Variants in RP2 observed in about 807,000 individuals in gnomAD.
RP2 encodes protein XRP2.
In RP2, 3 loss-of-function variants were observed where a neutral mutation model predicts 20.3. The observed-to-expected ratio is 0.15, with a 90% confidence interval of 0.07 to 0.38. RP2 has a LOEUF of 0.38. Ranked by LOEUF, RP2 falls within the 10% of genes least tolerant of loss-of-function variation. The pLI, the probability that RP2 is intolerant of heterozygous loss-of-function variation, is 1.00. For synonymous variants in RP2, 75 were observed against 94.8 expected (o/e 0.79, Z 1.22); for missense variants, 233 against 268.5 (o/e 0.87, Z 0.92).
At chrX:46,848,614 C>A (rs1307363239) in intron 1 of RP2, among the ~76,000 whole-genome samples, 1 of 107,938 alleles carries the variant, frequency 9.3e-6, no homozygotes, top group African/African-American at 3.3e-5. Flanking sequence ...GAACTCCTGA[C>A]CTCAGGTGAT....
Position 46,880,948 on chromosome X carries a change from A to T in RP2, c.*1179A>T, listed in dbSNP as rs1489056965. On this transcript the variant is annotated 3_prime_UTR_variant, in exon 5 of 5. Coordinates refer to ENST00000218340, the MANE Select transcript of RP2 (RefSeq NM_006915.3). ...CAATAGGTTGAACTTGTGAGAAGGC[A>T]CTGAATCTGCCATCCACATCACATA... 1 of 111,820 alleles carries T rather than the reference A, an allele frequency of 8.9e-6. No homozygotes were observed. The highest frequency in any genetic ancestry group is 3.2e-5 in the African/African-American group (1 of 30,806). The allele number at this position is 111,820 out of a possible 1,213,427, so 9.2% of individuals were successfully genotyped here. A position where few individuals can be genotyped will look rare whatever the true frequency, so the allele number is the denominator to read the frequency against.
intron 1 of RP2, among the ~76,000 whole-genome samples, chrX:46,847,759 TACACACATGTGTGTGTGTACATAC>T (rs1924759305): frequency 1.2e-5 from 1 of 82,141 alleles, no homozygotes; most frequent in Non-Finnish European, 2.2e-5. Context: ...TGTGTGTATA[TACACACATGTGTGTGTGTACATAC>T]ACACATGTGT....
intron 4 of RP2, among the ~76,000 whole-genome samples, chrX:46,879,391 G>A (rs782425607): frequency 1.0e-3 from 116 of 111,341 alleles, no homozygotes; most frequent in Non-Finnish European, 1.9e-3. Context: ...AGTAGCTTCC[G>A]TAATATTGAG....
chrX:46,856,305 G>T (rs1556319217), intron 2 of RP2, among the ~76,000 whole-genome samples: 1 of 111,387 alleles, frequency 9.0e-6, no homozygotes, highest in Non-Finnish European at 1.9e-5. Flanking sequence ...TTAACCTTTG[G>T]TATCTGGTAT....
chrX:46,877,933 A>G (rs1556327948), intron 4 of RP2, among the ~76,000 whole-genome samples: 1 of 111,533 alleles, frequency 9.0e-6, no homozygotes, highest in Non-Finnish European at 1.9e-5. Context: ...TTTTAAAAAT[A>G]CTGATTTGTT....
Position 46,881,509 on chromosome X carries a change from T to C in RP2, c.*1740T>C, listed in dbSNP as rs782664665. ...TTATTTTTGAGGTGGAGTTTCACTC[T>C]TGTTGCCCAAGCTGGAGTGCAATGG... On this transcript the variant is annotated 3_prime_UTR_variant, in exon 5 of 5. Coordinates refer to ENST00000218340, the MANE Select transcript of RP2 (RefSeq NM_006915.3). 2 of 110,698 alleles carry C rather than the reference T, an allele frequency of 1.8e-5. No individual in the cohort carries two copies. The highest frequency in any genetic ancestry group is 9.8e-5 in the Admixed American group (1 of 10,195). 9.1% of individuals were successfully genotyped at this position (110,698 alleles called of 1,213,427 possible).
intron 4 of RP2, among the ~76,000 whole-genome samples, chrX:46,879,409 A>C (rs782083716): frequency 1.0e-3 from 115 of 111,304 alleles, no homozygotes; most frequent in Admixed American, 5.0e-3. Context: ...GAGTGTTGTA[A>C]AAGTCCAGAT....
In RP2 at chrX:46,881,830, GT is replaced by G. The variant is rs1925476748; in HGVS notation, c.*2066del. 1 of 111,261 alleles carries G rather than the reference GT, an allele frequency of 9.0e-6. No individual in the cohort carries two copies. The highest frequency in any genetic ancestry group is 1.9e-5 in the Non-Finnish European group (1 of 53,075). The allele number at this position is 111,261 out of a possible 1,213,427, so 9.2% of individuals were successfully genotyped here. ...ATTTCAAATAATAACAATACTTTTTGTTTTTCAAAAATAAAATGCAATGTTA... is the reference window on the plus strand; with the variant it reads ...ATTTCAAATAATAACAATACTTTTTGTTTTCAAAAATAAAATGCAATGTTA... On this transcript the variant is annotated 3_prime_UTR_variant, in exon 5 of 5. Transcript: ENST00000218340.
intron 1 of RP2, among the ~76,000 whole-genome samples, chrX:46,847,161 A>G (rs1452640467): frequency 1.8e-5 from 2 of 112,151 alleles, no homozygotes; most frequent in South Asian, 7.2e-4. Flanking sequence ...TTTGCCATCC[A>G]TATATCTTTG....
chrX:46,875,379 A>G (rs1405041310), intron 3 of RP2, among the ~76,000 whole-genome samples: 1 of 108,052 alleles, frequency 9.3e-6, no homozygotes, highest in Non-Finnish European at 1.9e-5. Flanking sequence ...AACTCCTCGT[A>G]TGCCAGAGCT....
At chrX:46,837,469 C>T (rs1924536395) in intron 1 of RP2, among the ~76,000 whole-genome samples, 1 of 111,768 alleles carries the variant, frequency 8.9e-6, no homozygotes, top group South Asian at 3.7e-4. Context: ...CTTTCTCTGA[C>T]TCCGAACCCT....
At chrX:46,865,033 A>G (rs1179001337) in intron 3 of RP2, among the ~76,000 whole-genome samples, 1 of 112,294 alleles carries the variant, frequency 8.9e-6, no homozygotes, top group African/African-American at 3.2e-5. Flanking sequence ...TTACAGAAAA[A>G]TTGCAAAGAT....
At position 46,877,650 on chromosome X, in the gene RP2, C is replaced by T. The variant is rs781944828; in HGVS notation, c.969+60C>T. 1.1e-5 allele frequency: 9 copies of T among 842,809 alleles called. No homozygotes were observed. The African/African-American group carries it at 1.8e-4, about 17-fold the overall frequency. 69.5% of individuals were successfully genotyped at this position (842,809 alleles called of 1,213,427 possible). A position where few individuals can be genotyped will look rare whatever the true frequency, so the allele number is the denominator to read the frequency against. On this transcript the variant is annotated intron_variant, in intron 4 of 4. Coordinates refer to ENST00000218340, the MANE Select transcript of RP2 (RefSeq NM_006915.3). ...TTTTCATTTCATCTCCTTTTCCTTA[C>T]AGTCAAATAATACTTTAATACTTTT...
At position 46,853,815 on chromosome X, in the gene RP2, T is replaced by G; in HGVS notation, c.442T>G (p.Phe148Val). The stretch of plus-strand genomic sequence containing the variant: ...TTCCTCAAATATCAAATTTGGATGT[T>G]TTCAATGGTACTATCCTGAATTAGC... Reference protein sequence around the residue: ...ESSSNIKFGCFQWYYPELAFQ... With the variant: ...ESSSNIKFGCVQWYYPELAFQ... Residue 148 changes from phenylalanine (F) to valine (V), a missense_variant, in exon 2 of 5, where the codon TTT becomes GTT. Transcript: ENST00000218340. 1 of 1,211,824 alleles carries G rather than the reference T, an allele frequency of 8.3e-7. No homozygotes were observed. Among genetic ancestry groups the G allele is most frequent in the Non-Finnish European group, 1.1e-6 (1 of 895,476 alleles).
intron 3 of RP2, among the ~76,000 whole-genome samples, chrX:46,874,119 CAT>C (rs1255234860): frequency 8.9e-6 from 1 of 111,831 alleles, no homozygotes; most frequent in African/African-American, 3.2e-5. Flanking sequence ...ATTATCCACA[CAT>C]GTTAAAACAA....
intron 1 of RP2, among the ~76,000 whole-genome samples, chrX:46,851,669 C>T (rs1312497256): frequency 2.7e-5 from 3 of 111,057 alleles, no homozygotes; most frequent in South Asian, 7.5e-4. Context: ...CGGTGGCTCA[C>T]GCCTGTAATC....
At chrX:46,848,258 C>T (rs997638866) in intron 1 of RP2, among the ~76,000 whole-genome samples, 4 of 109,462 alleles carry the variant, frequency 3.7e-5, no homozygotes, top group East Asian at 2.8e-4. Context: ...TTTGTATTGC[C>T]GCTTAGTAAG....
intron 3 of RP2, among the ~76,000 whole-genome samples, chrX:46,862,326 G>A (rs1369695735): frequency 3.7e-5 from 4 of 109,161 alleles, no homozygotes; most frequent in African/African-American, 6.7e-5. Context: ...AGCCAAGATC[G>A]CTGCTGCACT....
intron 3 of RP2, among the ~76,000 whole-genome samples, chrX:46,863,655 G>A (rs1328302997): frequency 8.9e-6 from 1 of 111,758 alleles, no homozygotes; most frequent in African/African-American, 3.3e-5. Flanking sequence ...CTTACAAGAT[G>A]TTTGGCAGCA....
Sources: gnomAD v4.1 joint callset for allele counts (sites outside exome capture counted in the v4.1 genomes callset) on GRCh38, gnomAD v4.1.1 for gene constraint, MANE v1.5 for transcripts, NCBI Gene and HGNC (gene_info 2026-07-23, HGNC 2026-07-21) for gene names.